Variants in ASB4 observed in about 807,000 individuals in gnomAD.
ASB4 encodes ankyrin repeat and SOCS box protein 4.
ASB4 carries 35 observed loss-of-function variants against 38.6 expected under a neutral mutation model. The observed-to-expected ratio is 0.91, with a 90% confidence interval of 0.69 to 1.20. The LOEUF is 1.20. Ranked by LOEUF, ASB4 falls within the 50% of genes most tolerant of loss-of-function variation. ASB4 has a pLI of 0.00. For synonymous variants in ASB4, 195 were observed against 201.3 expected (o/e 0.97, Z 0.26); for missense variants, 557 against 527.2 (o/e 1.06, Z -0.55).
At chr7:95,484,818 C>A (rs1431486886), upstream of ASB4, among the ~76,000 whole-genome samples, 1 of 151,704 alleles carries the variant, frequency 6.6e-6, no homozygotes, top group African/African-American at 2.4e-5. Flanking sequence ...TTCTCTCCAA[C>A]TTTTTATTTG....
At chr7:95,480,149 T>C (rs1047646242) in intron 1 of ASB4, among the ~76,000 whole-genome samples, 4 of 152,212 alleles carry the variant, frequency 2.6e-5, no homozygotes, top group African/African-American at 9.6e-5. Context: ...TTCTGATCTA[T>C]ACAAGGGTGG....
At chr7:95,502,722 T>G (rs1176769207) in intron 2 of ASB4, among the ~76,000 whole-genome samples, 2 of 152,188 alleles carry the variant, frequency 1.3e-5, no homozygotes, top group Non-Finnish European at 2.9e-5. Context: ...TAGAGTATAT[T>G]TTACTTATTT....
At chr7:95,502,243 A>T (rs1790349272) in intron 2 of ASB4, among the ~76,000 whole-genome samples, 1 of 152,204 alleles carries the variant, frequency 6.6e-6, no homozygotes, top group African/African-American at 2.4e-5. Flanking sequence ...TTCATTGGTA[A>T]TCAGTAACAT....
intron 2 of ASB4, among the ~76,000 whole-genome samples, chr7:95,521,723 T>G (rs1195586964): frequency 6.6e-6 from 1 of 151,764 alleles, no homozygotes; most frequent in Non-Finnish European, 1.5e-5. Context: ...AAAGACATGT[T>G]GTGATGGATA....
Position 95,495,971 on chromosome 7 carries a change from A to G in ASB4, c.401A>G (p.Asn134Ser), listed in dbSNP as rs202221772. 1.9e-5 allele frequency: 31 copies of G among 1,614,034 alleles called. No individual in the cohort carries two copies. Among genetic ancestry groups the G allele is most frequent in the East Asian group, 1.3e-4 (6 of 44,896 alleles). Residue 134 changes from asparagine (N) to serine (S), a missense_variant, in exon 2 of 5, where the codon AAT becomes AGT. Transcript: ENST00000325885. Reference sequence around the variant, plus strand: ...CTCTGTGATCGTGGGGCAAAGCTCAATTGCTACTCCTTAAGTGGACACACA... The same window carrying G: ...CTCTGTGATCGTGGGGCAAAGCTCAGTTGCTACTCCTTAAGTGGACACACA... ...KILCDRGAKL[N>S]CYSLSGHTAL... is the part of the protein sequence containing the mutation.
intron 2 of ASB4, among the ~76,000 whole-genome samples, chr7:95,513,462 C>T (rs1414692910): frequency 1.3e-5 from 2 of 151,726 alleles, no homozygotes; most frequent in South Asian, 2.1e-4. Context: ...GTTGCCAGAG[C>T]CCTTCCTTGC....
chr7:95,481,959 C>T (rs6960785), upstream of ASB4, among the ~76,000 whole-genome samples: 5,073 of 152,258 alleles, frequency 0.033, 268 homozygotes, highest in African/African-American at 0.11. Flanking sequence ...TGAAACATGA[C>T]CACTGTGTAA....
rs774765680 is a variant in ASB4 at position 95,536,446 on chromosome 7, G to T, written c.988G>T (p.Ala330Ser). 1.9e-6 allele frequency: 3 copies of T among 1,608,510 alleles called. No individual in the cohort carries two copies. Among genetic ancestry groups the T allele is most frequent in the East Asian group, 2.2e-5 (1 of 44,844 alleles). The change falls in exon 4 of 5, where the codon GCC becomes TCC. Residue 330 changes from alanine to serine, a missense_variant. By Grantham distance (99) the Ala-to-Ser change is moderately conservative. Coordinates refer to ENST00000325885, the MANE Select transcript of ASB4 (RefSeq NM_016116.3). ...YPPQFHKVIQ[A>S]CHSCPKAIEV... ...TGTGCTTCCTCTGCAGGTGATACAG[G>T]CCTGCCATTCTTGTCCTAAAGCAAT...
chr7:95,484,026 TAAAAAAAA>T (rs11431388), upstream of ASB4, among the ~76,000 whole-genome samples: 3 of 138,888 alleles, frequency 2.2e-5, no homozygotes, highest in Non-Finnish European at 4.7e-5. Flanking sequence ...CATTAAAAAG[TAAAAAAAA>T]AAAAAAAAAA....
intron 3 of ASB4, among the ~76,000 whole-genome samples, chr7:95,532,458 G>A (rs1451440787): frequency 3.3e-5 from 5 of 152,060 alleles, no homozygotes; most frequent in Non-Finnish European, 1.5e-5. Context: ...GCCAAGATTG[G>A]GTTTTCTTGT....
At chr7:95,520,283 ACAGCTGTT>A in intron 2 of ASB4, among the ~76,000 whole-genome samples, 1 of 152,354 alleles carries the variant, frequency 6.6e-6, no homozygotes, top group South Asian at 2.1e-4. Context: ...TATACCATTA[ACAGCTGTT>A]CAGCTGATCT....
At position 95,515,386 on chromosome 7, in the gene ASB4, C is replaced by T. The variant is rs1430987145; in HGVS notation, c.488-12427C>T. Among the ~76,000 whole-genome samples, 24 of 91,282 alleles carry T rather than the reference C, an allele frequency of 2.6e-4. 1 individual carries two copies. The highest frequency in any genetic ancestry group is 1.4e-4 in the Non-Finnish European group (6 of 42,476). 59.9% of individuals were successfully genotyped at this position (91,282 alleles called of 152,430 possible). On this transcript the variant is annotated intron_variant, in intron 2 of 4. Transcript: ENST00000325885. ...TTCTTTTCTTTCTTTCTTTTCTTTT[C>T]TTTTTTTTCTTTTCTTTTCTTTTTC...
chr7:95,544,360 G>T (rs1012027548), downstream of ASB4: 58 of 152,182 alleles, frequency 3.8e-4, no homozygotes, highest in African/African-American at 1.3e-3. Flanking sequence ...AAATACTGCT[G>T]AAGTCAGATG....
At chr7:95,494,580 C>A (rs184971592) in intron 1 of ASB4, among the ~76,000 whole-genome samples, 1 of 152,196 alleles carries the variant, frequency 6.6e-6, no homozygotes, top group African/African-American at 2.4e-5. Flanking sequence ...CCTAAAGTAA[C>A]TTCTACGCTG....
intron 1 of ASB4, among the ~76,000 whole-genome samples, chr7:95,491,349 G>A (rs1325583797): frequency 6.6e-6 from 1 of 152,136 alleles, no homozygotes; most frequent in Non-Finnish European, 1.5e-5. Context: ...CGTGTGAGTG[G>A]TTTACATTAG....
chr7:95,538,103 T>G lies in ASB4; in HGVS notation c.*344T>G, dbSNP rs958589725. On this transcript the variant is annotated 3_prime_UTR_variant, in exon 5 of 5. Transcript: ENST00000325885. Reference sequence around the variant, plus strand: ...CCAGGTTTTCTTCCAACCAATATAATTCTGTGCCTTATCAGTAATATGTTT... The same window carrying G: ...CCAGGTTTTCTTCCAACCAATATAAGTCTGTGCCTTATCAGTAATATGTTT... 5.4e-6 allele frequency: 1 copy of G among 184,650 alleles called. No individual in the cohort carries two copies. Among genetic ancestry groups the G allele is most frequent in the Non-Finnish European group, 1.1e-5 (1 of 88,848 alleles). 11.4% of individuals were successfully genotyped at this position (184,650 alleles called of 1,614,324 possible).
chr7:95,515,395 C>A (rs1364116173), intron 2 of ASB4, among the ~76,000 whole-genome samples: 1 of 75,300 alleles, frequency 1.3e-5, no homozygotes, highest in Non-Finnish European at 2.9e-5. Context: ...TCTTTTTTTT[C>A]TTTTCTTTTC....
rs1413153566 is a variant in ASB4, at chr7:95,518,958, C to T, written c.488-8855C>T. 5.3e-5 allele frequency among the ~76,000 whole-genome samples: 8 copies of T among 152,160 alleles called. 1 individual carries two copies. Among genetic ancestry groups the T allele is most frequent in the Admixed American group, 2.6e-4 (4 of 15,294 alleles). On this transcript the variant is annotated intron_variant, in intron 2 of 4. Transcript: ENST00000325885. The stretch of plus-strand genomic sequence containing the variant: ...TAAGAAGAAATAAAGAGTAATTTCA[C>T]GGGATGACATAAATCTTAAAGAATG...
intron 2 of ASB4, among the ~76,000 whole-genome samples, chr7:95,516,994 A>C (rs901093843): frequency 2.6e-5 from 4 of 152,174 alleles, no homozygotes; most frequent in Non-Finnish European, 5.9e-5. Context: ...ATCTGTCTCC[A>C]CTGGATGTTT....
Sources: allele counts gnomAD v4.1 joint callset (sites outside exome capture counted in the v4.1 genomes callset), GRCh38; gene constraint gnomAD v4.1.1; transcripts MANE v1.5; gene names NCBI Gene and HGNC (gene_info 2026-07-23, HGNC 2026-07-21).